The following ANKRD13A variants were observed in gnomAD, a reference collection of about 807,000 sequenced individuals.
The protein encoded by ANKRD13A is ankyrin repeat domain 13A, also known as ankyrin repeat domain-containing protein 13A.
In ANKRD13A, 48 loss-of-function variants were observed where a neutral mutation model predicts 81.3. The ratio of observed to expected loss-of-function variants is 0.59; its 90% CI spans 0.47 to 0.75. The LOEUF is 0.75. ANKRD13A is among the 30% of genes least tolerant of loss of function. ANKRD13A has a pLI of 0.00. For missense variants in ANKRD13A, 612 were observed against 734.0 expected, an observed-to-expected ratio of 0.83 and a Z score of 1.92; for synonymous variants, 230 against 270.1, an observed-to-expected ratio of 0.85 and a Z score of 1.45.
chr12:110,006,445 G>T (rs1490833980), intron 1 of ANKRD13A, among the ~76,000 whole-genome samples: 1 of 152,162 alleles, frequency 6.6e-6, no homozygotes, highest in Non-Finnish European at 1.5e-5. Flanking sequence ...TTGGCAATTT[G>T]TGTATCTTCC....
rs748914586 is a variant in ANKRD13A, at chr12:110,012,161, T to TA, written c.229+27dup. On this transcript the variant is annotated intron_variant, in intron 2 of 14. Coordinates refer to ENST00000261739, the MANE Select transcript of ANKRD13A (RefSeq NM_033121.2). ...AGGTAAGTATACTTTTACAATAATTTAAAGTCCGTCTGAGCACCATGGTGA... is the reference window on the plus strand; with the variant it reads ...AGGTAAGTATACTTTTACAATAATTTAAAAGTCCGTCTGAGCACCATGGTGA... 3.8e-6 allele frequency: 6 copies of TA among 1,584,626 alleles called. No homozygotes were observed. In the South Asian group the frequency reaches 6.7e-5, roughly 18 times the overall value.
At position 110,012,154 on chromosome 12, in the gene ANKRD13A, A is replaced by C; in HGVS notation, c.229+17A>C. 6.3e-7 allele frequency: 1 copy of C among 1,590,892 alleles called. No individual in the cohort carries two copies. Among genetic ancestry groups the C allele is most frequent in the Non-Finnish European group, 8.6e-7 (1 of 1,161,748 alleles). Reference sequence around the variant, plus strand: ...GATGGACAGGTAAGTATACTTTTACAATAATTTAAAGTCCGTCTGAGCACC... The same window carrying C: ...GATGGACAGGTAAGTATACTTTTACCATAATTTAAAGTCCGTCTGAGCACC... On this transcript the variant is annotated intron_variant, in intron 2 of 14. Coordinates refer to ENST00000261739, the MANE Select transcript of ANKRD13A (RefSeq NM_033121.2).
chr12:110,009,964 A>G (rs1308027372), intron 1 of ANKRD13A, among the ~76,000 whole-genome samples: 1 of 152,234 alleles, frequency 6.6e-6, no homozygotes, highest in African/African-American at 2.4e-5. Flanking sequence ...TCCCAGGTTC[A>G]AGCGATTCTC....
Position 110,037,521 on chromosome 12 carries a change from G to T in ANKRD13A, c.1740G>T (p.Gln580His). ...TCCAGGAGGAAGAGGCTGAGCTCCAGCAAGTCTTACAGCTGTCACTCACTG... is the reference window on the plus strand; with the variant it reads ...TCCAGGAGGAAGAGGCTGAGCTCCATCAAGTCTTACAGCTGTCACTCACTG... ...LRLQEEEAEL[Q>H]QVLQLSLTDK is the part of the protein sequence containing the mutation. The change falls in exon 15 of 15, where the codon CAG becomes CAT. Residue 580 changes from glutamine to histidine, a missense_variant. Transcript: ENST00000261739. 6.2e-7 allele frequency: 1 copy of T among 1,613,944 alleles called. No individual in the cohort carries two copies. Among genetic ancestry groups the T allele is most frequent in the African/African-American group, 1.3e-5 (1 of 75,074 alleles).
At chr12:110,019,927 T>C (rs1232789543) in intron 6 of ANKRD13A, among the ~76,000 whole-genome samples, 1 of 152,206 alleles carries the variant, frequency 6.6e-6, no homozygotes, top group Non-Finnish European at 1.5e-5. Context: ...CCATCACTGG[T>C]CATGTGCCTC....
Position 110,029,462 on chromosome 12 carries a change from TG to T in ANKRD13A, c.1077-14del. The stretch of plus-strand genomic sequence containing the variant: ...GGTGGAGATGACCTCAGTCTTTTCT[TG>T]GTTGAATTCTGCAGGTTTAAAGCAA... On this transcript the variant is annotated splice_polypyrimidine_tract_variant and intron_variant, in intron 10 of 14. Transcript: ENST00000261739. 6.2e-7 allele frequency: 1 copy of T among 1,603,302 alleles called. No homozygotes were observed. The highest frequency in any genetic ancestry group is 8.5e-7 in the Non-Finnish European group (1 of 1,170,744).
At chr12:110,011,842 T>C (rs1593203953) in intron 1 of ANKRD13A, among the ~76,000 whole-genome samples, 163 bp from the exon 2 acceptor site, 1 of 152,276 alleles carries the variant, frequency 6.6e-6, no homozygotes, top group East Asian at 1.9e-4. Context: ...CCCAAATTCA[T>C]ATTTTAACTG....
At chr12:110,007,700 T>A (rs1890311002) in intron 1 of ANKRD13A, among the ~76,000 whole-genome samples, 1 of 152,246 alleles carries the variant, frequency 6.6e-6, no homozygotes, top group African/African-American at 2.4e-5. Flanking sequence ...TAATTTTTTT[T>A]AAACAATGTT....
intron 1 of ANKRD13A, among the ~76,000 whole-genome samples, chr12:110,006,977 T>C (rs1890273881): frequency 6.6e-6 from 1 of 152,210 alleles, no homozygotes; most frequent in Non-Finnish European, 1.5e-5. Flanking sequence ...AATGAATTAT[T>C]TTGGCACCCT....
At position 109,999,667 on chromosome 12, in the gene ANKRD13A, A is replaced by T; in HGVS notation, c.-22A>T. The T allele has an allele frequency of 6.6e-7, 1 of 1,510,252 alleles. No homozygotes were observed. The highest frequency in any genetic ancestry group is 8.9e-7 in the Non-Finnish European group (1 of 1,127,096). 93.6% of individuals were successfully genotyped at this position (1,510,252 alleles called of 1,614,324 possible). On this transcript the variant is annotated 5_prime_UTR_variant, in exon 1 of 15. Coordinates refer to ENST00000261739, the MANE Select transcript of ANKRD13A (RefSeq NM_033121.2). The surrounding 1 kb of genome is among the most constrained non-coding windows in gnomAD (Gnocchi z 4.3). ...CCGAGACTTGGGGCGGGCGACGAGG[A>T]CCAGGTTACGGCCTCCTCGCCATGT...
intron 1 of ANKRD13A, among the ~76,000 whole-genome samples, chr12:110,008,447 G>A (rs1346588340): frequency 6.6e-6 from 1 of 152,138 alleles, no homozygotes; most frequent in Non-Finnish European, 1.5e-5. Flanking sequence ...AGAGATATTA[G>A]TGTGTGGTTT....
Position 109,999,653 on chromosome 12 carries a change from G to A in ANKRD13A, c.-36G>A, listed in dbSNP as rs1385161928. 1.1e-5 allele frequency: 16 copies of A among 1,494,800 alleles called. No individual in the cohort carries two copies. The highest frequency in any genetic ancestry group is 1.4e-5 in the Non-Finnish European group (16 of 1,117,002). The allele number at this position is 1,494,800 out of a possible 1,614,324, so 92.6% of individuals were successfully genotyped here. On this transcript the variant is annotated 5_prime_UTR_variant, in exon 1 of 15. Transcript: ENST00000261739. This position sits in a 1 kb window ranked among gnomAD's most constrained non-coding sequence, Gnocchi z 4.3. ...AGACCCCGCCGGGGCCGAGACTTGG[G>A]GCGGGCGACGAGGACCAGGTTACGG...
At position 110,028,628 on chromosome 12, in the gene ANKRD13A, G is replaced by A. The variant is rs779126124; in HGVS notation, c.1062G>A (p.Thr354=). ...DRDIGRPKEL[T]IRTQKFKAML... is the part of the protein sequence containing the mutation. ...ACATTGGAAGGCCGAAAGAGCTGAC[G>A]ATTAGAACACAGAAGTAAGAGAGGT... is the stretch of plus-strand genomic sequence containing the variant. The change falls in exon 10 of 15, where the codon ACG becomes ACA. Residue 354 remains threonine (T), a synonymous_variant. Transcript: ENST00000261739. 6 of 1,614,052 alleles carry A rather than the reference G, an allele frequency of 3.7e-6. No individual in the cohort carries two copies. The highest frequency in any genetic ancestry group is 1.3e-5 in the African/African-American group (1 of 74,926).
At chr12:110,005,797 T>C (rs1890213713) in intron 1 of ANKRD13A, among the ~76,000 whole-genome samples, 1 of 152,158 alleles carries the variant, frequency 6.6e-6, no homozygotes, top group South Asian at 2.1e-4. Context: ...AACGCTGCTG[T>C]GTGTATTTGT....
At chr12:110,020,526 G>A (rs1891025115) in intron 6 of ANKRD13A, among the ~76,000 whole-genome samples, 1 of 152,238 alleles carries the variant, frequency 6.6e-6, no homozygotes, top group African/African-American at 2.4e-5. Context: ...TGGAGGCAGG[G>A]TCAGTCCTCT....
intron 12 of ANKRD13A, among the ~76,000 whole-genome samples, chr12:110,030,964 G>A (rs1380438235): frequency 1.3e-5 from 2 of 151,804 alleles, no homozygotes; most frequent in East Asian, 1.9e-4. Flanking sequence ...GTGTGGTGGC[G>A]CATGCCTGTA....
intron 6 of ANKRD13A, 134 bp downstream of exon 6, chr12:110,019,462 AGATT>A: frequency 3.7e-6 from 3 of 809,072 alleles, no homozygotes; most frequent in South Asian, 2.5e-5. Flanking sequence ...GTGGGTTTTA[AGATT>A]GATCTCTAAC....
In ANKRD13A at chr12:110,038,570, T is replaced by TCA. The variant is rs1007300316; in HGVS notation, c.*1017_*1018dup. The TCA allele has an allele frequency of 3.3e-5, 5 of 152,742 alleles. No homozygotes were observed. The highest frequency in any genetic ancestry group is 1.2e-4 in the African/African-American group (5 of 41,568). 9.5% of individuals were successfully genotyped at this position (152,742 alleles called of 1,614,324 possible). A position where few individuals can be genotyped will look rare whatever the true frequency, so the allele number is the denominator to read the frequency against. ...GAAAACCACGGAGCTCCATGGCTCT[T>TCA]CATTCAAAAGGGAAAATAATGATTC... On this transcript the variant is annotated 3_prime_UTR_variant, in exon 15 of 15. Transcript: ENST00000261739.
At chr12:110,007,938 T>C (rs1890322825) in intron 1 of ANKRD13A, among the ~76,000 whole-genome samples, 1 of 152,194 alleles carries the variant, frequency 6.6e-6, no homozygotes, top group African/African-American at 2.4e-5. Flanking sequence ...CTTAGGATTT[T>C]ATACACAAGA....
Sources: gnomAD v4.1 joint callset for allele counts (sites outside exome capture counted in the v4.1 genomes callset) on GRCh38, gnomAD v4.1.1 for gene constraint, Gnocchi (gnomAD v3.1) non-coding constraint, MANE v1.5 for transcripts, NCBI Gene and HGNC (gene_info 2026-07-23, HGNC 2026-07-21) for gene names.